FRYL: variants seen among roughly 807,000 people sequenced by gnomAD.
FRYL encodes protein furry homolog-like.
Under a neutral mutation model 351.2 loss-of-function variants are expected in FRYL, and 150 were observed. The ratio of observed to expected loss-of-function variants is 0.43; its 90% CI spans 0.37 to 0.49. FRYL has a LOEUF of 0.49. Among genes scored for constraint, FRYL ranks in the 20% least tolerant of loss-of-function variants. The pLI is 0.00. For missense variants in FRYL, 3,036 were observed against 3,619.3 expected, an observed-to-expected ratio of 0.84 and a Z score of 4.13; for synonymous variants, 1,153 against 1,257.1, an observed-to-expected ratio of 0.92 and a Z score of 1.75.
chr4:48,720,793 TTCATCTATGTTG>T (rs1355402905), intron 1 of FRYL, among the ~76,000 whole-genome samples: 3 of 152,198 alleles, frequency 2.0e-5, no homozygotes, highest in Non-Finnish European at 4.4e-5. Flanking sequence ...GTCCTCAAGA[TTCATCTATGTTG>T]TTATTTACTG....
intron 1 of FRYL, among the ~76,000 whole-genome samples, chr4:48,764,246 A>G (rs944032447): frequency 1.2e-4 from 18 of 152,152 alleles, no homozygotes; most frequent in African/African-American, 4.1e-4. Flanking sequence ...AAATTAATTG[A>G]AGCCAGGCAC....
chr4:48,628,125 T>C (rs1442858476), intron 4 of FRYL, among the ~76,000 whole-genome samples: 1 of 152,228 alleles, frequency 6.6e-6, no homozygotes, highest in Non-Finnish European at 1.5e-5. Context: ...TTATTGTCTA[T>C]GTAACTCATC....
intron 4 of FRYL, among the ~76,000 whole-genome samples, chr4:48,632,124 ATATATG>A (rs1753320646): frequency 8.1e-6 from 1 of 123,978 alleles, no homozygotes; most frequent in Non-Finnish European, 1.7e-5. Context: ...ATATATATAT[ATATATG>A]CGCACACAAA....
chr4:48,747,034 C>T (rs1475021642), intron 1 of FRYL, among the ~76,000 whole-genome samples: 1 of 152,172 alleles, frequency 6.6e-6, no homozygotes, highest in Admixed American at 6.5e-5. Flanking sequence ...AATATTGATA[C>T]TGAGGACAGG....
chr4:48,512,199 G>T (rs1472073376), intron 57 of FRYL, among the ~76,000 whole-genome samples: 2 of 152,038 alleles, frequency 1.3e-5, no homozygotes, highest in African/African-American at 4.8e-5. Flanking sequence ...TATTTCTTTG[G>T]TATCCTGATG....
Position 48,570,918 on chromosome 4 carries a change from T to G in FRYL, c.2905A>C (p.Asn969His). 6.2e-7 allele frequency: 1 copy of G among 1,609,940 alleles called. No homozygotes were observed. The highest frequency in any genetic ancestry group is 8.5e-7 in the Non-Finnish European group (1 of 1,176,402). The change falls in exon 27 of 64, where the codon AAT becomes CAT. Residue 969 changes from asparagine (N) to histidine (H), a missense_variant and splice_region_variant. Asn to His is a moderately conservative substitution (Grantham distance 68). This residue lies in a region of FRYL where 492 missense variants were observed against 551.5 expected (regional missense o/e 0.89). Transcript: ENST00000358350. ...IKEALERRPE[N>H]MKRRRRRDIL... Reference sequence around the variant, plus strand: ...TCTCGACGCCTGCGCCGTTTCATATTCTATTCCAAAGATACAAACACATTA... The same window carrying G: ...TCTCGACGCCTGCGCCGTTTCATATGCTATTCCAAAGATACAAACACATTA...
At position 48,556,464 on chromosome 4, in the gene FRYL, G is replaced by A. The variant is rs190683457; in HGVS notation, c.4266+514C>T. Among the ~76,000 whole-genome samples, 11 of 152,288 alleles carry A rather than the reference G, an allele frequency of 7.2e-5. No individual in the cohort carries two copies. The East Asian group carries it at 2.1e-3, about 29-fold the overall frequency. Reference sequence around the variant, plus strand: ...TGCTTTCCCTTGCTTCCAGCAGCCTGAAGGACAATCCTACGTGCACTGAGC... The same window carrying A: ...TGCTTTCCCTTGCTTCCAGCAGCCTAAAGGACAATCCTACGTGCACTGAGC... On this transcript the variant is annotated intron_variant, in intron 35 of 63. Transcript: ENST00000358350.
chr4:48,654,900 T>TATA, intron 3 of FRYL, among the ~76,000 whole-genome samples: 1 of 152,318 alleles, frequency 6.6e-6, no homozygotes. Context: ...GGCCTCATAT[T>TATA]AGTTTACTGT....
intron 1 of FRYL, among the ~76,000 whole-genome samples, chr4:48,728,650 G>A (rs1312550167): frequency 6.6e-6 from 1 of 152,186 alleles, no homozygotes; most frequent in Admixed American, 6.5e-5. Flanking sequence ...AATCCTGAAA[G>A]AAGCCAGAAG....
intron 45 of FRYL, 124 bp from the exon 46 acceptor site, chr4:48,541,084 A>C: frequency 1.1e-6 from 1 of 898,512 alleles, no homozygotes; most frequent in Non-Finnish European, 1.6e-6. Context: ...AGTATATCTG[A>C]CTTTGTTGAA....
intron 1 of FRYL, among the ~76,000 whole-genome samples, chr4:48,751,838 A>T (rs1416315449): frequency 1.4e-5 from 2 of 145,544 alleles, no homozygotes; most frequent in African/African-American, 2.5e-5. Flanking sequence ...AAGAGATTCA[A>T]TTTTTTTTTT....
At position 48,579,216 on chromosome 4, in the gene FRYL, G is replaced by A; in HGVS notation, c.2285C>T (p.Ser762Leu). The part of the protein sequence containing the change: ...DQTTLLYCPS[S>L]IDLQTLAEWN... ...TTCTGCTAAAGTTTGTAAATCTATC[G>A]AGCTAGGGCAATAGAGCAAAGTAGT... Residue 762 changes from serine (S) to leucine (L), a missense_variant, in exon 23 of 64, where the codon TCG (serine) becomes TTG (leucine). By Grantham distance (145) the Ser-to-Leu change is moderately radical. Transcript: ENST00000358350. The A allele has an allele frequency of 1.9e-6, 3 of 1,612,958 alleles. No homozygotes were observed. Among genetic ancestry groups the A allele is most frequent in the East Asian group, 2.2e-5 (1 of 44,862 alleles).
chr4:48,601,715 T>C (rs1745739264), intron 13 of FRYL, among the ~76,000 whole-genome samples: 1 of 152,194 alleles, frequency 6.6e-6, no homozygotes, highest in Non-Finnish European at 1.5e-5. Context: ...GTGAGATTAA[T>C]ACTCTATAAT....
At chr4:48,713,174 ACAAG>A (rs1447599524) in intron 1 of FRYL, among the ~76,000 whole-genome samples, 1 of 152,192 alleles carries the variant, frequency 6.6e-6, no homozygotes, top group Non-Finnish European at 1.5e-5. Flanking sequence ...GCATCAACTA[ACAAG>A]CAAAATAACC....
chr4:48,686,739 T>C (rs528483994), intron 2 of FRYL, among the ~76,000 whole-genome samples: 1 of 152,366 alleles, frequency 6.6e-6, no homozygotes, highest in Non-Finnish European at 1.5e-5. Context: ...TTTTGCAGTC[T>C]TGCGCTCAGA....
chr4:48,706,749 T>A (rs1767403403), intron 2 of FRYL, among the ~76,000 whole-genome samples: 1 of 152,162 alleles, frequency 6.6e-6, no homozygotes, highest in South Asian at 2.1e-4. Flanking sequence ...CCATCTTGGA[T>A]GCCCTCTCTC....
Position 48,593,915 on chromosome 4 carries a change from T to G in FRYL, c.1335+15A>C. On this transcript the variant is annotated intron_variant, in intron 16 of 63. Coordinates refer to ENST00000358350, the MANE Select transcript of FRYL (RefSeq NM_015030.2). Reference sequence around the variant, plus strand: ...AAATCTAGGATTTTATATTATTACATTATAATTTTTTTACCTCTGGATTAA... The same window carrying G: ...AAATCTAGGATTTTATATTATTACAGTATAATTTTTTTACCTCTGGATTAA... The G allele has an allele frequency of 8.5e-7, 1 of 1,181,256 alleles. No individual in the cohort carries two copies. Among genetic ancestry groups the G allele is most frequent in the South Asian group, 1.8e-5 (1 of 54,448 alleles). 73.2% of individuals were successfully genotyped at this position (1,181,256 alleles called of 1,614,324 possible).
chr4:48,767,495 T>C (rs578154180), intron 1 of FRYL, among the ~76,000 whole-genome samples: 2 of 152,174 alleles, frequency 1.3e-5, no homozygotes, highest in East Asian at 3.9e-4. Context: ...AAAAAGAACA[T>C]CCTGCCATTT....
rs11355390 is a variant in FRYL, at chr4:48,688,658, A to AT, written c.-203-3864dup. 2.1e-3 allele frequency among the ~76,000 whole-genome samples: 184 copies of AT among 86,304 alleles called. 3 individuals carry two copies. Among genetic ancestry groups the AT allele is most frequent in the African/African-American group, 4.0e-3 (91 of 23,002 alleles). The allele number at this position is 86,304 out of a possible 152,430, so 56.6% of individuals were successfully genotyped here. On this transcript the variant is annotated intron_variant, in intron 2 of 63. Transcript: ENST00000358350. ...CTTGCATTTAACCTTCTCTTAGTCAATTTTTTTTTTTTTTTTTTTTTTTGA... is the reference window on the plus strand; with the variant it reads ...CTTGCATTTAACCTTCTCTTAGTCAATTTTTTTTTTTTTTTTTTTTTTTTGA...
Sources: gnomAD v4.1 joint callset for allele counts (sites outside exome capture counted in the v4.1 genomes callset) on GRCh38, gnomAD v4.1.1 for gene constraint, gnomAD v4.1.1 regional missense constraint, MANE v1.5 for transcripts, NCBI Gene and HGNC (gene_info 2026-07-23, HGNC 2026-07-21) for gene names.